Variants in SUGCT observed in about 807,000 individuals in gnomAD.
SUGCT encodes the protein succinyl-CoA:glutarate-CoA transferase.
In SUGCT, 41 loss-of-function variants were observed where a neutral mutation model predicts 55.0. The ratio of observed to expected loss-of-function variants is 0.74; its 90% CI spans 0.58 to 0.97. SUGCT has a LOEUF of 0.97. Ranked by LOEUF, SUGCT falls within the 50% of genes least tolerant of loss-of-function variation. The pLI is 0.00. For missense variants in SUGCT, 568 were observed against 547.8 expected (o/e 1.04, Z -0.37); for synonymous variants, 187 against 200.4 (o/e 0.93, Z 0.56).
At chr7:40,270,751 T>C (rs1791947259) in intron 7 of SUGCT, among the ~76,000 whole-genome samples, 1 of 152,178 alleles carries the variant, frequency 6.6e-6, no homozygotes, top group South Asian at 2.1e-4. Context: ...AGGATTTTGG[T>C]AGGTAGAATT....
intron 12 of SUGCT, among the ~76,000 whole-genome samples, chr7:40,707,475 A>G (rs1562956740): frequency 6.6e-6 from 1 of 152,232 alleles, no homozygotes; most frequent in Non-Finnish European, 1.5e-5. Context: ...CCCTGAAGGA[A>G]GTGCTTGTAG....
At chr7:40,618,400 A>T (rs1449865887) in intron 12 of SUGCT, among the ~76,000 whole-genome samples, 1 of 152,196 alleles carries the variant, frequency 6.6e-6, no homozygotes, top group African/African-American at 2.4e-5. Flanking sequence ...GTCAGAACCT[A>T]ACCAGACTTC....
chr7:40,771,142 A>T (rs1789081528), intron 13 of SUGCT, among the ~76,000 whole-genome samples: 1 of 152,212 alleles, frequency 6.6e-6, no homozygotes, highest in African/African-American at 2.4e-5. Context: ...AGTATAACAA[A>T]TGTAGCTGTG....
At chr7:40,972,311 G>A in the SUGCT span, among the ~76,000 whole-genome samples, 1 of 152,178 alleles carries the variant, frequency 6.6e-6, no homozygotes, top group Non-Finnish European at 1.5e-5. Context: ...CATCATAGCT[G>A]TCAGGTCTGG....
At chr7:40,805,681 C>T (rs574698049) in intron 13 of SUGCT, among the ~76,000 whole-genome samples, 5 of 152,196 alleles carry the variant, frequency 3.3e-5, no homozygotes, top group Non-Finnish European at 7.3e-5. Context: ...CCCAAGCTGA[C>T]AGCATCTTAA....
intron 7 of SUGCT, among the ~76,000 whole-genome samples, chr7:40,270,205 C>T (rs1179156925): frequency 6.7e-6 from 1 of 149,614 alleles, no homozygotes; most frequent in African/African-American, 2.4e-5. Context: ...TAAACTTTCT[C>T]TTATTCTTTG....
At chr7:40,900,700 C>T in the SUGCT span, among the ~76,000 whole-genome samples, 13 of 152,218 alleles carry the variant, frequency 8.5e-5, no homozygotes, top group African/African-American at 2.9e-4. Context: ...TGTCTGTGCT[C>T]TGCAAAAACC....
chr7:41,014,590 G>A, the SUGCT span, among the ~76,000 whole-genome samples: 1 of 152,208 alleles, frequency 6.6e-6, no homozygotes, highest in Non-Finnish European at 1.5e-5. Context: ...TTGGGGATGT[G>A]AGGGTCAGCC....
At chr7:40,873,281 A>G in the SUGCT span, among the ~76,000 whole-genome samples, 3 of 152,246 alleles carry the variant, frequency 2.0e-5, no homozygotes, top group Non-Finnish European at 4.4e-5. Context: ...TAAAGAATTG[A>G]ATGGAAAAAA....
chr7:40,866,268 T>C, the SUGCT span, among the ~76,000 whole-genome samples: 1 of 152,140 alleles, frequency 6.6e-6, no homozygotes, highest in Non-Finnish European at 1.5e-5. Flanking sequence ...GTATGAGATG[T>C]GGCAACACGC....
intron 12 of SUGCT, among the ~76,000 whole-genome samples, chr7:40,648,149 C>T (rs1800614778): frequency 6.6e-6 from 1 of 152,112 alleles, no homozygotes; most frequent in South Asian, 2.1e-4. Flanking sequence ...AACTAATAAT[C>T]ATCTCGTCCT....
intron 9 of SUGCT, among the ~76,000 whole-genome samples, chr7:40,439,832 T>A (rs1017617500): frequency 6.6e-6 from 1 of 152,192 alleles, no homozygotes; most frequent in African/African-American, 2.4e-5. Flanking sequence ...GATGTCTGTG[T>A]GTGCTTGCTC....
intron 6 of SUGCT, among the ~76,000 whole-genome samples, chr7:40,199,917 A>G (rs548352874): frequency 2.6e-5 from 4 of 152,198 alleles, no homozygotes; most frequent in Middle Eastern, 3.4e-3. Flanking sequence ...TACAAAATAT[A>G]TGTGTTTAAA....
intron 13 of SUGCT, among the ~76,000 whole-genome samples, chr7:40,853,243 A>G (rs911297931): frequency 2.0e-5 from 3 of 152,184 alleles, no homozygotes; most frequent in African/African-American, 7.2e-5. Flanking sequence ...AATTAATATG[A>G]TATGTATTAC....
chr7:40,841,783 C>A (rs1314203648), intron 13 of SUGCT, among the ~76,000 whole-genome samples: 2 of 152,170 alleles, frequency 1.3e-5, no homozygotes, highest in Non-Finnish European at 2.9e-5. Context: ...ATTTCATAGA[C>A]AATGGCCATC....
At chr7:40,207,978 G>T (rs145900798) in intron 6 of SUGCT, among the ~76,000 whole-genome samples, 2 of 152,242 alleles carry the variant, frequency 1.3e-5, no homozygotes, top group East Asian at 3.9e-4. Context: ...GAATAAATAA[G>T]CAATAATGAT....
At chr7:40,900,927 G>C in the SUGCT span, among the ~76,000 whole-genome samples, 1 of 152,288 alleles carries the variant, frequency 6.6e-6, no homozygotes, top group Middle Eastern at 3.4e-3. Flanking sequence ...AGATAAATGA[G>C]GGAAAATATA....
intron 9 of SUGCT, among the ~76,000 whole-genome samples, chr7:40,360,050 G>A (rs1179996791): frequency 6.6e-6 from 1 of 152,206 alleles, no homozygotes; most frequent in Non-Finnish European, 1.5e-5. Context: ...GTCTCACTCT[G>A]TCGCCCAGGC....
chr7:40,163,824 A>G, intron 1 of SUGCT, among the ~76,000 whole-genome samples: 1 of 141,338 alleles, frequency 7.1e-6, no homozygotes, highest in Admixed American at 7.2e-5. Flanking sequence ...TTTGAATTGA[A>G]TTTTTTTTTT....
Sources: gnomAD v4.1 joint callset for allele counts (sites outside exome capture counted in the v4.1 genomes callset) on GRCh38, gnomAD v4.1.1 for gene constraint, MANE v1.5 for transcripts, NCBI Gene and HGNC (gene_info 2026-07-23, HGNC 2026-07-21) for gene names.